Variants in ZFP2 observed in about 807,000 individuals in gnomAD.
ZFP2 encodes zinc finger protein ZFP2.
ZFP2 carries 33 observed loss-of-function variants against 36.1 expected under a neutral mutation model. The ratio of observed to expected loss-of-function variants is 0.92; its 90% confidence interval spans 0.69 to 1.22. ZFP2 has a LOEUF of 1.22. Ranked by LOEUF, ZFP2 falls within the 50% of genes most tolerant of loss-of-function variation. The pLI, the probability that ZFP2 is intolerant of heterozygous loss-of-function variation, is 0.00. For missense variants in ZFP2, 522 were observed against 551.4 expected (o/e 0.95, Z 0.53); for synonymous variants, 170 against 178.0 (o/e 0.96, Z 0.36).
chr5:178,925,944 C>G lies in ZFP2; in HGVS notation c.-77-5293C>G, dbSNP rs1158665591. Among the ~76,000 whole-genome samples, 4 of 148,922 alleles carry G rather than the reference C, an allele frequency of 2.7e-5. 1 individual carries two copies. The highest frequency in any genetic ancestry group is 3.0e-5 in the Non-Finnish European group (2 of 66,400). On this transcript the variant is annotated intron_variant, in intron 4 of 4. Transcript: ENST00000361362. ...CTCACTGCAGACTTGAACTCCCGGG[C>G]TCAGGCGATCCTCCCACCTCAGCCT...
Position 178,932,713 on chromosome 5 carries a change from T to A in ZFP2, c.*14T>A. 1 of 1,572,420 alleles carries A rather than the reference T, an allele frequency of 6.4e-7. No individual in the cohort carries two copies. Among genetic ancestry groups the A allele is most frequent in the Non-Finnish European group, 8.6e-7 (1 of 1,160,802 alleles). The stretch of plus-strand genomic sequence containing the variant: ...ACTCATACGTGAGGAATGTTTTCAC[T>A]GGCCCTTACCTCATGATTAACTCTT... On this transcript the variant is annotated 3_prime_UTR_variant, in exon 5 of 5. Transcript: ENST00000361362.
intron 4 of ZFP2, among the ~76,000 whole-genome samples, chr5:178,929,949 G>C (rs965861968): frequency 1.3e-5 from 2 of 150,158 alleles, no homozygotes; most frequent in East Asian, 2.0e-4. Context: ...CGGTGGGGGG[G>C]GGGGCTCAGG....
intron 3 of ZFP2, among the ~76,000 whole-genome samples, chr5:178,914,165 T>A (rs1005620245): frequency 6.6e-6 from 1 of 152,190 alleles, no homozygotes; most frequent in African/African-American, 2.4e-5. Flanking sequence ...CCTAATCATT[T>A]CTTTGTATAT....
intron 4 of ZFP2, among the ~76,000 whole-genome samples, chr5:178,927,880 C>T (rs1758724720): frequency 6.6e-6 from 1 of 151,598 alleles, no homozygotes; most frequent in Non-Finnish European, 1.5e-5. Context: ...GCTTATGGTT[C>T]TACAGGCTGT....
intron 1 of ZFP2, among the ~76,000 whole-genome samples, chr5:178,898,653 G>C (rs1167542400): frequency 6.6e-6 from 1 of 152,190 alleles, no homozygotes; most frequent in Non-Finnish European, 1.5e-5. Flanking sequence ...ATGGCTGCTT[G>C]GCCTCTGCCA....
chr5:178,931,859 A>G lies in ZFP2; in HGVS notation c.546A>G (p.Gly182=), dbSNP rs1247208576. ...NLTVHQRTHT[G]EKPYQCKECG... is the part of the protein sequence containing the mutation. ...CTGTCCATCAACGAACTCACACCGGAGAGAAACCCTATCAGTGTAAAGAGT... is the reference window on the plus strand; with the variant it reads ...CTGTCCATCAACGAACTCACACCGGGGAGAAACCCTATCAGTGTAAAGAGT... Residue 182 remains glycine (G), a synonymous_variant, in exon 5 of 5, where the codon GGA becomes GGG. Transcript: ENST00000361362. 6.2e-7 allele frequency: 1 copy of G among 1,612,894 alleles called. No homozygotes were observed. The highest frequency in any genetic ancestry group is 2.2e-5 in the East Asian group (1 of 44,866).
chr5:178,906,912 T>C (rs1758178683), intron 1 of ZFP2, among the ~76,000 whole-genome samples: 1 of 152,022 alleles, frequency 6.6e-6, no homozygotes, highest in African/African-American at 2.4e-5. Flanking sequence ...ATTCCCTTTT[T>C]AATCTGTTCC....
rs766110848 is a variant in ZFP2, at chr5:178,925,107, TTATA to T, written c.-77-6113_-77-6110del. On this transcript the variant is annotated intron_variant, in intron 4 of 4. Coordinates refer to ENST00000361362, the MANE Select transcript of ZFP2 (RefSeq NM_030613.4). ...TGTTTTAAAACTTTAAATTGAATCT[TTATA>T]TATATATATATATATACACACACAC... Among the ~76,000 whole-genome samples the T allele has an allele frequency of 5.4e-4, 59 of 110,156 alleles. 1 individual carries two copies. The highest frequency in any genetic ancestry group is 1.4e-3 in the African/African-American group (49 of 34,088). 72.3% of individuals were successfully genotyped at this position (110,156 alleles called of 152,430 possible).
chr5:178,906,383 C>T (rs1185998854), intron 1 of ZFP2, among the ~76,000 whole-genome samples: 1 of 152,134 alleles, frequency 6.6e-6, no homozygotes, highest in East Asian at 1.9e-4. Context: ...CATATATTCT[C>T]CCTTATCTGA....
intron 4 of ZFP2, among the ~76,000 whole-genome samples, chr5:178,928,262 C>T (rs1410740964): frequency 1.3e-5 from 2 of 152,172 alleles, no homozygotes; most frequent in African/African-American, 2.4e-5. Context: ...GTCTTTCTCA[C>T]ATTTCAAAAT....
chr5:178,913,208 C>T (rs1166440953), intron 3 of ZFP2, 137 bp downstream of exon 3: 4 of 289,142 alleles, frequency 1.4e-5, no homozygotes, highest in Non-Finnish European at 2.1e-5. Flanking sequence ...ACTGATGGGC[C>T]TCTTTTCTCT....
intron 1 of ZFP2, among the ~76,000 whole-genome samples, chr5:178,910,824 A>G (rs1172047028): frequency 6.6e-6 from 1 of 151,892 alleles, no homozygotes; most frequent in Admixed American, 6.6e-5. Flanking sequence ...CCCTGCCGCC[A>G]CCACCCCTTC....
chr5:178,927,242 G>A (rs75924886), intron 4 of ZFP2, among the ~76,000 whole-genome samples: 427 of 152,258 alleles, frequency 2.8e-3, no homozygotes, highest in African/African-American at 9.7e-3. Context: ...TAAGGAATGC[G>A]TATTTAGGAA....
chr5:178,924,198 C>A (rs544658903), intron 4 of ZFP2, among the ~76,000 whole-genome samples: 1 of 148,232 alleles, frequency 6.7e-6, no homozygotes, highest in East Asian at 1.9e-4. Context: ...ACGGTGAAAC[C>A]CCGTCTGTAC....
intron 1 of ZFP2, among the ~76,000 whole-genome samples, chr5:178,900,329 C>T (rs1397193030): frequency 5.3e-5 from 8 of 150,910 alleles, no homozygotes; most frequent in Middle Eastern, 3.4e-3. Flanking sequence ...ACTTCTACTC[C>T]ACGTCCCCCT....
chr5:178,902,845 T>C (rs953741), intron 1 of ZFP2, among the ~76,000 whole-genome samples: 36,557 of 152,088 alleles, frequency 0.24, 5,382 homozygotes, highest in Non-Finnish European at 0.32. Context: ...TAATATTTAC[T>C]CAGGAGTCTG....
rs1445827026 is a variant in ZFP2 at position 178,931,435 on chromosome 5, C to A, written c.122C>A (p.Thr41Asn). The A allele has an allele frequency of 6.2e-7, 1 of 1,613,982 alleles. No homozygotes were observed. Among genetic ancestry groups the A allele is most frequent in the African/African-American group, 1.3e-5 (1 of 74,884 alleles). The change falls in exon 5 of 5, where the codon ACT becomes AAT. Residue 41 changes from threonine (T) to asparagine (N), a missense_variant. Physicochemically the swap from Thr to Asn is moderately conservative, Grantham distance 65 (BLOSUM62 0). Coordinates refer to ENST00000361362, the MANE Select transcript of ZFP2 (RefSeq NM_030613.4). ...GGAGTTACCCATAAGGAAACCTTCA[C>A]TGAGATGAGAGTATGTGGAGGTAAT... ...QVGVTHKETF[T>N]EMRVCGGNEF...
Position 178,932,674 on chromosome 5 carries a change from C to G in ZFP2, c.1361C>G (p.Thr454Arg). Residue 454 changes from threonine to arginine, a missense_variant, in exon 5 of 5, where the codon ACA becomes AGA. Coordinates refer to ENST00000361362, the MANE Select transcript of ZFP2 (RefSeq NM_030613.4). ...GCCTTCAGCCGGAGTACAAACCTTA[C>G]ACGACATCAAAGAACTCATACGTGA... ...GKAFSRSTNL[T>R]RHQRTHT 1 of 1,605,658 alleles carries G rather than the reference C, an allele frequency of 6.2e-7. No homozygotes were observed. Among genetic ancestry groups the G allele is most frequent in the Non-Finnish European group, 8.5e-7 (1 of 1,176,058 alleles).
At chr5:178,901,962 C>T (rs761671355) in intron 1 of ZFP2, among the ~76,000 whole-genome samples, 3 of 151,908 alleles carry the variant, frequency 2.0e-5, no homozygotes, top group Non-Finnish European at 2.9e-5. Flanking sequence ...GGTGAAACCC[C>T]GTCTCTACTA....
Sources: gnomAD v4.1 joint callset for allele counts (sites outside exome capture counted in the v4.1 genomes callset) on GRCh38, gnomAD v4.1.1 for gene constraint, MANE v1.5 for transcripts, NCBI Gene and HGNC (gene_info 2026-07-23, HGNC 2026-07-21) for gene names.